NRG3: variants seen among roughly 807,000 people sequenced by gnomAD.
NRG3 encodes the protein pro-neuregulin-3, membrane-bound isoform.
NRG3 carries 31 observed loss-of-function variants against 66.9 expected under a neutral mutation model. That is an observed-to-expected ratio of 0.46 (90% confidence interval 0.35 to 0.63). The LOEUF (loss-of-function observed/expected upper bound fraction) is 0.63. Ranked by LOEUF, NRG3 falls within the 20% of genes least tolerant of loss-of-function variation. The pLI, the probability that NRG3 is intolerant of heterozygous loss-of-function variation, is 0.00. For missense variants in NRG3, 910 were observed against 878.9 expected, an observed-to-expected ratio of 1.04 and a Z score of -0.45; for synonymous variants, 393 against 359.4, an observed-to-expected ratio of 1.09 and a Z score of -1.06.
intron 3 of NRG3, among the ~76,000 whole-genome samples, chr10:82,811,761 T>G (rs557292565): frequency 6.6e-6 from 1 of 152,368 alleles, no homozygotes; most frequent in African/African-American, 2.4e-5. Flanking sequence ...AAGCTCTTCC[T>G]GTTCAATTGC....
intron 2 of NRG3, among the ~76,000 whole-genome samples, chr10:82,620,002 A>G (rs1423282104): frequency 1.3e-5 from 2 of 152,148 alleles, no homozygotes; most frequent in Non-Finnish European, 2.9e-5. Flanking sequence ...TGTGACACGG[A>G]TGCCCCATTT....
intron 1 of NRG3, among the ~76,000 whole-genome samples, chr10:82,179,297 C>T (rs1487675796): frequency 6.6e-6 from 1 of 151,758 alleles, no homozygotes; most frequent in African/African-American, 2.4e-5. Flanking sequence ...TATTCTTTCG[C>T]TGTCATATCA....
intron 1 of NRG3, among the ~76,000 whole-genome samples, chr10:82,001,556 A>G (rs1322455537): frequency 6.6e-6 from 1 of 152,038 alleles, no homozygotes; most frequent in Non-Finnish European, 1.5e-5. Context: ...GAAAAAGAAG[A>G]GAGGAATGAA....
intron 1 of NRG3, among the ~76,000 whole-genome samples, chr10:82,159,340 C>T (rs1015839975): frequency 1.3e-5 from 2 of 151,880 alleles, no homozygotes; most frequent in Non-Finnish European, 2.9e-5. Context: ...TCTCAGCACT[C>T]CAAATATCTC....
At chr10:82,130,386 C>T (rs545120962) in intron 1 of NRG3, among the ~76,000 whole-genome samples, 6 of 151,570 alleles carry the variant, frequency 4.0e-5, no homozygotes, top group Non-Finnish European at 5.9e-5. Context: ...TCTCCCCCAA[C>T]CCCACAACAG....
At chr10:82,661,407 A>T (rs888732508) in intron 2 of NRG3, among the ~76,000 whole-genome samples, 2 of 152,066 alleles carry the variant, frequency 1.3e-5, no homozygotes, top group African/African-American at 4.8e-5. Context: ...TATTGTAACA[A>T]GTATATATAA....
At chr10:82,313,251 C>T (rs906035301) in intron 1 of NRG3, among the ~76,000 whole-genome samples, 14 of 151,754 alleles carry the variant, frequency 9.2e-5, no homozygotes, top group African/African-American at 1.9e-4. Flanking sequence ...GCAAGAGAAT[C>T]GCTTGAACCC....
chr10:82,150,956 C>A (rs2070701285), intron 1 of NRG3, among the ~76,000 whole-genome samples: 1 of 152,192 alleles, frequency 6.6e-6, no homozygotes, highest in South Asian at 2.1e-4. Context: ...CTTGACAAAA[C>A]TTGAGCCTTG....
intron 1 of NRG3, among the ~76,000 whole-genome samples, chr10:82,137,933 AC>A (rs1253734702): frequency 1.3e-5 from 2 of 152,154 alleles, no homozygotes; most frequent in South Asian, 4.1e-4. Context: ...CTTGTCCTTA[AC>A]TTGGGTAAGT....
At chr10:81,953,036 T>G (rs1004537263) in intron 1 of NRG3, among the ~76,000 whole-genome samples, 1 of 152,150 alleles carries the variant, frequency 6.6e-6, no homozygotes, top group African/African-American at 2.4e-5. Flanking sequence ...TCATCTGCCA[T>G]CCATAGCACT....
intron 2 of NRG3, among the ~76,000 whole-genome samples, chr10:82,527,322 AAT>A (rs34861035): frequency 0.32 from 48,013 of 147,886 alleles, 8,237 homozygotes; most frequent in African/African-American, 0.49. Flanking sequence ...TAAAAAAAAA[AAT>A]ATTAGTAAAT....
intron 1 of NRG3, among the ~76,000 whole-genome samples, chr10:82,069,870 C>T (rs1173760496): frequency 6.6e-6 from 1 of 152,112 alleles, no homozygotes; most frequent in Non-Finnish European, 1.5e-5. Flanking sequence ...GAAACTTCAC[C>T]TGCCTTTTTC....
chr10:82,841,340 T>C (rs1166510631), intron 3 of NRG3, among the ~76,000 whole-genome samples: 5 of 152,166 alleles, frequency 3.3e-5, no homozygotes, highest in African/African-American at 1.2e-4. Flanking sequence ...CCCTGGGAAA[T>C]TAATACCCCA....
Position 81,875,255 on chromosome 10 carries a change from C to CCGCGCT in NRG3, c.-81_-80insTCGCGC. On this transcript the variant is annotated 5_prime_UTR_variant, in exon 1 of 9. Coordinates refer to ENST00000372141, the MANE Select transcript of NRG3 (RefSeq NM_001010848.4). The surrounding 1 kb of genome is among the most constrained non-coding windows in gnomAD (Gnocchi z 5.3). ...CCGAGCCCGCCGCCGCCGCCGGAGC[C>CCGCGCT]CGCGCCCGCGCCCGCGCCCGGCCCG... 1.1e-6 allele frequency: 1 copy of CCGCGCT among 888,508 alleles called. No homozygotes were observed. Among genetic ancestry groups the CCGCGCT allele is most frequent in the Non-Finnish European group, 1.3e-6 (1 of 745,002 alleles). The allele number at this position is 888,508 out of a possible 1,614,324, so 55.0% of individuals were successfully genotyped here.
chr10:82,444,659 A>C (rs2090621353), intron 2 of NRG3, among the ~76,000 whole-genome samples: 1 of 152,162 alleles, frequency 6.6e-6, no homozygotes, highest in African/African-American at 2.4e-5. Flanking sequence ...AAGTTTCCAA[A>C]GCAGAGGGAA....
intron 1 of NRG3, among the ~76,000 whole-genome samples, chr10:81,954,297 T>C (rs1014809123): frequency 2.6e-5 from 4 of 152,310 alleles, no homozygotes; most frequent in Middle Eastern, 3.4e-3. Flanking sequence ...ACTTTGAGCC[T>C]TTTGAATACT....
At chr10:82,519,724 T>C (rs1401149299) in intron 2 of NRG3, among the ~76,000 whole-genome samples, 1 of 152,202 alleles carries the variant, frequency 6.6e-6, no homozygotes, top group Non-Finnish European at 1.5e-5. Context: ...TTTGTTATTA[T>C]TTTAACATGG....
At chr10:82,951,626 GTTACT>G in intron 5 of NRG3, 55 bp downstream of exon 5, 1 of 1,429,086 alleles carries the variant, frequency 7.0e-7, no homozygotes, top group Non-Finnish European at 9.8e-7. Context: ...AGCGCTTTGT[GTTACT>G]TTAAGTTCTC....
At chr10:82,694,826 A>G (rs1477924083) in intron 2 of NRG3, among the ~76,000 whole-genome samples, 2 of 152,278 alleles carry the variant, frequency 1.3e-5, no homozygotes, top group African/African-American at 4.8e-5. Flanking sequence ...CAAATTAGTT[A>G]TACAAAAAAC....
Sources: gnomAD v4.1 joint callset for allele counts (sites outside exome capture counted in the v4.1 genomes callset) on GRCh38, gnomAD v4.1.1 for gene constraint, Gnocchi (gnomAD v3.1) non-coding constraint, MANE v1.5 for transcripts, NCBI Gene and HGNC (gene_info 2026-07-23, HGNC 2026-07-21) for gene names.